DNAL1: variants seen among roughly 807,000 people sequenced by gnomAD.
The protein encoded by DNAL1 is chromosome 14 open reading frame 168.
Under a neutral mutation model 29.4 loss-of-function variants are expected in DNAL1, and 17 were observed. The ratio of observed to expected loss-of-function variants is 0.58; its 90% CI spans 0.40 to 0.87. The LOEUF is 0.87. Ranked by LOEUF, DNAL1 falls within the 40% of genes least tolerant of loss-of-function variation. The pLI, the probability that DNAL1 is intolerant of heterozygous loss-of-function variation, is 0.00. For missense variants in DNAL1, 188 were observed against 214.1 expected (o/e 0.88, Z 0.76); for synonymous variants, 78 against 76.3 (o/e 1.02, Z -0.12).
At chr14:73,660,069 G>A (rs1891309604) in intron 3 of DNAL1, among the ~76,000 whole-genome samples, 1 of 151,886 alleles carries the variant, frequency 6.6e-6, no homozygotes, top group South Asian at 2.1e-4. Flanking sequence ...TGGGACTACA[G>A]GCACTTGCCA....
At chr14:73,686,951 A>C (rs952942676) in intron 5 of DNAL1, among the ~76,000 whole-genome samples, 5 of 152,000 alleles carry the variant, frequency 3.3e-5, no homozygotes, top group African/African-American at 7.2e-5. Context: ...ACGAGATAAG[A>C]TAGTGCCATT....
chr14:73,686,632 G>C (rs183907074), intron 5 of DNAL1, among the ~76,000 whole-genome samples: 62 of 152,232 alleles, frequency 4.1e-4, no homozygotes, highest in African/African-American at 1.4e-3. Context: ...CTTGAGCCCG[G>C]GGGAGGTTGA....
intron 3 of DNAL1, 95 bp downstream of exon 3, chr14:73,659,051 C>A: frequency 1.1e-6 from 1 of 908,270 alleles, no homozygotes; most frequent in South Asian, 2.9e-5. Flanking sequence ...TTTCTGTGGT[C>A]TTCATTTATT....
chr14:73,678,976 G>C (rs1191153178), intron 5 of DNAL1, among the ~76,000 whole-genome samples: 1 of 152,072 alleles, frequency 6.6e-6, no homozygotes, highest in Admixed American at 6.6e-5. Context: ...TATAGGGTGA[G>C]AAAGACTTTT....
At chr14:73,663,431 C>T (rs62004917) in intron 4 of DNAL1, among the ~76,000 whole-genome samples, 35,501 of 152,026 alleles carry the variant, frequency 0.23, 5,157 homozygotes, top group Non-Finnish European at 0.33. Context: ...GCCTCAAACT[C>T]CTGACCTAAA....
rs531351518 is a variant in DNAL1, at chr14:73,648,901, ATATT to A, written c.3+3860_3+3863del. Among the ~76,000 whole-genome samples the A allele has an allele frequency of 3.7e-3, 556 of 149,942 alleles. 1 individual carries two copies. Among genetic ancestry groups the A allele is most frequent in the South Asian group, 8.5e-3 (41 of 4,804 alleles). ...TCGGCCAGAAGAATAATAAATATAT[ATATT>A]AATTATTATAAATAATAATTATTAT... On this transcript the variant is annotated intron_variant, in intron 1 of 7. Coordinates refer to ENST00000553645, the MANE Select transcript of DNAL1 (RefSeq NM_031427.4).
At chr14:73,655,927 C>A (rs1484215561) in intron 2 of DNAL1, among the ~76,000 whole-genome samples, 1 of 152,088 alleles carries the variant, frequency 6.6e-6, no homozygotes, top group Non-Finnish European at 1.5e-5. Context: ...AAAGTTTGAA[C>A]AGTTACAATT....
intron 1 of DNAL1, among the ~76,000 whole-genome samples, chr14:73,652,768 C>T (rs1367748630): frequency 1.3e-5 from 2 of 152,084 alleles, no homozygotes; most frequent in Non-Finnish European, 2.9e-5. Context: ...GAACGCCTAT[C>T]TCATTTGTTT....
At chr14:73,660,951 G>A (rs934888684) in intron 3 of DNAL1, among the ~76,000 whole-genome samples, 1 of 152,090 alleles carries the variant, frequency 6.6e-6, no homozygotes, top group Non-Finnish European at 1.5e-5. Flanking sequence ...AGATTTAAAG[G>A]CAATCCATTA....
chr14:73,661,240 G>A (rs1014151), intron 3 of DNAL1, among the ~76,000 whole-genome samples: 125,288 of 152,090 alleles, frequency 0.82, 52,310 homozygotes, highest in African/African-American at 0.95. Flanking sequence ...GTCGGTATCT[G>A]TAGCCCTATC....
intron 1 of DNAL1, among the ~76,000 whole-genome samples, chr14:73,645,637 G>T (rs1312407021): frequency 6.6e-6 from 1 of 152,134 alleles, no homozygotes; most frequent in Non-Finnish European, 1.5e-5. Context: ...ATATGATTGG[G>T]GGTTTCAGGA....
At chr14:73,693,357 A>G (rs1230761833) in intron 7 of DNAL1, among the ~76,000 whole-genome samples, 1 of 152,228 alleles carries the variant, frequency 6.6e-6, no homozygotes, top group African/African-American at 2.4e-5. Context: ...AATGTTTACC[A>G]AAAGACACGT....
At chr14:73,688,491 T>A (rs562857090) in intron 6 of DNAL1, among the ~76,000 whole-genome samples, 51 of 152,198 alleles carry the variant, frequency 3.4e-4, no homozygotes, top group Non-Finnish European at 5.7e-4. Flanking sequence ...GGTGTGGTGG[T>A]ACATGCCTGT....
intron 7 of DNAL1, among the ~76,000 whole-genome samples, chr14:73,692,840 C>CT (rs71112797): frequency 0.06 from 8,601 of 142,858 alleles, 504 homozygotes; most frequent in African/African-American, 0.15. Context: ...ACTGAGGGAT[C>CT]TTTTTTTTTT....
intron 5 of DNAL1, among the ~76,000 whole-genome samples, chr14:73,685,946 C>T (rs1187946461): frequency 2.0e-5 from 3 of 152,032 alleles, no homozygotes; most frequent in South Asian, 2.1e-4. Flanking sequence ...ATATGTGCCC[C>T]GAAGTGGAAT....
At chr14:73,689,711 A>C (rs773602085) in intron 7 of DNAL1, among the ~76,000 whole-genome samples, 196 bp downstream of exon 7, 1 of 152,204 alleles carries the variant, frequency 6.6e-6, no homozygotes, top group African/African-American at 2.4e-5. Context: ...AGACTGGTAC[A>C]AGATTCTCCC....
chr14:73,688,646 G>A (rs1224990156), intron 6 of DNAL1, among the ~76,000 whole-genome samples: 1 of 152,086 alleles, frequency 6.6e-6, no homozygotes, highest in Non-Finnish European at 1.5e-5. Flanking sequence ...GCAAAACTGT[G>A]TGATAAGTTC....
chr14:73,661,927 A>T, intron 3 of DNAL1, 60 bp from the exon 4 acceptor site: 1 of 1,181,116 alleles, frequency 8.5e-7, no homozygotes, highest in South Asian at 1.4e-5. Context: ...GTGTTAAGGA[A>T]TAATTTCTGA....
Position 73,700,662 on chromosome 14 carries a change from T to G in DNAL1, c.*4720T>G, listed in dbSNP as rs888480052. 6.6e-6 allele frequency: 1 copy of G among 152,172 alleles called. No individual in the cohort carries two copies. Among genetic ancestry groups the G allele is most frequent in the Non-Finnish European group, 1.5e-5 (1 of 68,040 alleles). 9.4% of individuals were successfully genotyped at this position (152,172 alleles called of 1,614,324 possible). ...ATAGATTATGTCTCTCTGACTACAG[T>G]CAGACCATCAATTCACTAAGACCTT... On this transcript the variant is annotated 3_prime_UTR_variant, in exon 8 of 8. Transcript: ENST00000553645.
Sources: gnomAD v4.1 joint callset for allele counts (sites outside exome capture counted in the v4.1 genomes callset) on GRCh38, gnomAD v4.1.1 for gene constraint, MANE v1.5 for transcripts, NCBI Gene and HGNC (gene_info 2026-07-23, HGNC 2026-07-21) for gene names.